Variants in CA8 observed in about 807,000 individuals in gnomAD.
CA8 encodes the protein carbonic anhydrase 8 (inactive).
Under a neutral mutation model 41.4 loss-of-function variants are expected in CA8, and 22 were observed. The observed-to-expected ratio is 0.53, with a 90% confidence interval of 0.38 to 0.76. The LOEUF (loss-of-function observed/expected upper bound fraction) is 0.76, where lower values mean the gene tolerates loss of function less well. Among genes scored for constraint, CA8 ranks in the 30% least tolerant of loss-of-function variants. The pLI, the probability that CA8 is intolerant of heterozygous loss-of-function variation, is 0.00. For synonymous variants in CA8, 121 were observed against 130.6 expected (o/e 0.93, Z 0.50); for missense variants, 270 against 352.8 (o/e 0.77, Z 1.88).
chr8:60,209,997 A>G (rs139384057), intron 7 of CA8, among the ~76,000 whole-genome samples: 83 of 152,324 alleles, frequency 5.4e-4, no homozygotes, highest in African/African-American at 1.8e-3. Context: ...CCATCTATCA[A>G]TTTAACTACA....
chr8:60,195,452 T>C (rs1017306250), intron 8 of CA8, among the ~76,000 whole-genome samples: 1 of 152,246 alleles, frequency 6.6e-6, no homozygotes, highest in African/African-American at 2.4e-5. Flanking sequence ...TAAGTTCCAG[T>C]GATTTTGGCT....
At chr8:60,275,330 A>C (rs1251601664) in intron 2 of CA8, among the ~76,000 whole-genome samples, 2 of 152,190 alleles carry the variant, frequency 1.3e-5, no homozygotes, top group African/African-American at 2.4e-5. Context: ...CTCCGAAATA[A>C]AAGAGGGATG....
intron 7 of CA8, among the ~76,000 whole-genome samples, chr8:60,218,881 C>T (rs1041779822): frequency 5.9e-5 from 9 of 152,048 alleles, no homozygotes; most frequent in Non-Finnish European, 1.3e-4. Context: ...ATGGGGCGGC[C>T]GGCAGTGAGC....
At chr8:60,237,013 T>C (rs1423095561) in intron 3 of CA8, among the ~76,000 whole-genome samples, 1 of 152,190 alleles carries the variant, frequency 6.6e-6, no homozygotes, top group African/African-American at 2.4e-5. Context: ...CTTCAAAGCC[T>C]AACCGCCCAG....
intron 5 of CA8, 124 bp from the exon 6 acceptor site, chr8:60,224,709 G>C (rs1807366466): frequency 1.5e-5 from 10 of 673,782 alleles, no homozygotes; most frequent in Admixed American, 4.3e-5. Flanking sequence ...AGGTCCCACA[G>C]ACTTGTGGGT....
chr8:60,221,586 A>G (rs935824695), intron 7 of CA8, among the ~76,000 whole-genome samples: 6 of 152,206 alleles, frequency 3.9e-5, no homozygotes, highest in African/African-American at 1.4e-4. Flanking sequence ...CATGTGGAGA[A>G]CAGTCTCTTA....
At chr8:60,209,254 G>A (rs1806749447) in intron 7 of CA8, among the ~76,000 whole-genome samples, 1 of 152,204 alleles carries the variant, frequency 6.6e-6, no homozygotes, top group South Asian at 2.1e-4. Flanking sequence ...GGGTGGCCAA[G>A]GTGGGCAGGT....
Position 60,281,067 on chromosome 8 carries a change from C to T in CA8, c.81G>A (p.Val27=), listed in dbSNP as rs141820235. 1.2e-6 allele frequency: 2 copies of T among 1,611,328 alleles called. No individual in the cohort carries two copies. The highest frequency in any genetic ancestry group is 8.5e-7 in the Non-Finnish European group (1 of 1,179,264). Residue 27 remains valine (V), a synonymous_variant, in exon 1 of 9, where the codon GTG becomes GTA. Transcript: ENST00000317995. ...EEDEEEEEEG[V]EWGYEEGVEW... Reference sequence around the variant, plus strand: ...ACTTACCTTCCTCGTAGCCCCACTCCACACCCTCCTCTTCTTCCTCCTCAT... The same window carrying T: ...ACTTACCTTCCTCGTAGCCCCACTCTACACCCTCCTCTTCTTCCTCCTCAT...
chr8:60,224,926 C>T (rs1006039926), intron 5 of CA8, among the ~76,000 whole-genome samples: 2 of 151,978 alleles, frequency 1.3e-5, no homozygotes, highest in African/African-American at 4.8e-5. Flanking sequence ...TTGTAAAATG[C>T]CTGAACCCTG....
intron 2 of CA8, among the ~76,000 whole-genome samples, chr8:60,273,112 T>C (rs1375043801): frequency 6.6e-6 from 1 of 152,184 alleles, no homozygotes; most frequent in African/African-American, 2.4e-5. Flanking sequence ...GAGTCTATAA[T>C]TCCCATAGTA....
rs541315284 is a variant in CA8 at position 60,185,535 on chromosome 8, C to G, written c.*4486G>C. ...ACTCACACCCAGATACATCATAGTA[C>G]GAAATCTGGGGCAGGGGGGAAACCA... On this transcript the variant is annotated 3_prime_UTR_variant, in exon 9 of 9. Coordinates refer to ENST00000317995, the MANE Select transcript of CA8 (RefSeq NM_004056.6). Among the ~76,000 whole-genome samples the G allele has an allele frequency of 6.6e-6, 1 of 151,942 alleles. No individual in the cohort carries two copies. The highest frequency in any genetic ancestry group is 1.5e-5 in the Non-Finnish European group (1 of 67,980).
Position 60,186,407 on chromosome 8 carries a change from T to A in CA8, c.*3614A>T, listed in dbSNP as rs1188784639. Among the ~76,000 whole-genome samples the A allele has an allele frequency of 1.4e-5, 2 of 146,384 alleles. No homozygotes were observed. Among genetic ancestry groups the A allele is most frequent in the Non-Finnish European group, 1.5e-5 (1 of 66,228 alleles). ...CACTGTGAAAATATACTCAAAAAAA[T>A]GAAAAAAATAATTAAAGCAATTGAA... On this transcript the variant is annotated 3_prime_UTR_variant, in exon 9 of 9. Transcript: ENST00000317995.
intron 7 of CA8, among the ~76,000 whole-genome samples, chr8:60,218,366 T>G (rs1807100919): frequency 6.6e-6 from 1 of 152,170 alleles, no homozygotes; most frequent in African/African-American, 2.4e-5. Context: ...TGGTGAATTC[T>G]TTGAGAGTGT....
intron 8 of CA8, 98 bp from the exon 9 acceptor site, chr8:60,190,083 ACTAAAAATTTCATAAG>A (rs2130368191): frequency 6.6e-6 from 1 of 152,094 alleles, no homozygotes; most frequent in South Asian, 2.1e-4. Flanking sequence ...GATAGTAAAA[ACTAAAAATTTCATAAG>A]AAAATGTGGA....
At chr8:60,276,179 T>G (rs1804226327) in intron 2 of CA8, among the ~76,000 whole-genome samples, 1 of 152,038 alleles carries the variant, frequency 6.6e-6, no homozygotes, top group South Asian at 2.1e-4. Flanking sequence ...CCAGAAAACA[T>G]TCGATCTAAC....
chr8:60,214,860 A>G (rs1806960252), intron 7 of CA8, among the ~76,000 whole-genome samples: 1 of 152,232 alleles, frequency 6.6e-6, no homozygotes, highest in African/African-American at 2.4e-5. Context: ...CACAGGGTGA[A>G]AAAACAACAA....
chr8:60,277,937 G>A (rs1804293217), intron 2 of CA8, among the ~76,000 whole-genome samples: 1 of 152,162 alleles, frequency 6.6e-6, no homozygotes, highest in South Asian at 2.1e-4. Flanking sequence ...AAAGGGTTCT[G>A]GATCATGAGT....
Position 60,232,607 on chromosome 8 carries a change from T to C in CA8, c.418-228A>G, listed in dbSNP as rs956792758. 6 of 561,974 alleles carry C rather than the reference T, an allele frequency of 1.1e-5. No individual in the cohort carries two copies. The South Asian group carries it at 1.1e-4, about 11-fold the overall frequency. 34.8% of individuals were successfully genotyped at this position (561,974 alleles called of 1,614,324 possible). A position where few individuals can be genotyped will look rare whatever the true frequency, so the allele number is the denominator to read the frequency against. On this transcript the variant is annotated intron_variant, in intron 3 of 8. Transcript: ENST00000317995. ...GGATCACTGCCTCTTAAGTCCAGTT[T>C]TAGTCCTGATGAGGAGGAAGACAAC...
chr8:60,251,464 G>A (rs561485842), intron 3 of CA8, among the ~76,000 whole-genome samples: 2 of 152,310 alleles, frequency 1.3e-5, no homozygotes, highest in African/African-American at 4.8e-5. Context: ...CGCATTCAGC[G>A]TGACCATATT....
Sources: allele counts gnomAD v4.1 joint callset (sites outside exome capture counted in the v4.1 genomes callset), GRCh38; gene constraint gnomAD v4.1.1; transcripts MANE v1.5; gene names NCBI Gene and HGNC (gene_info 2026-07-23, HGNC 2026-07-21).